Variants in SLC2A6 observed in about 807,000 individuals in gnomAD.
SLC2A6 encodes the protein solute carrier family 2 member 6.
Under a neutral mutation model 47.8 loss-of-function variants are expected in SLC2A6, and 39 were observed. That is an observed-to-expected ratio of 0.82 (90% CI 0.63 to 1.07). The LOEUF (loss-of-function observed/expected upper bound fraction) is 1.07, where lower values mean the gene tolerates loss of function less well. Ranked by LOEUF, SLC2A6 falls within the 50% of genes least tolerant of loss-of-function variation. The probability of loss-of-function intolerance (pLI) is 0.00; values close to 1 mark genes in which losing one functional copy is unlikely to be tolerated. For missense variants in SLC2A6, 650 were observed against 707.6 expected, an observed-to-expected ratio of 0.92 and a Z score of 0.92; for synonymous variants, 346 against 324.1, an observed-to-expected ratio of 1.07 and a Z score of -0.73.
At chr9:133,474,128 C>A in intron 6 of SLC2A6, 40 bp from the exon 7 acceptor site, 1 of 1,492,692 alleles carries the variant, frequency 6.7e-7, no homozygotes, top group East Asian at 2.4e-5. Context: ...GACCTGCCTG[C>A]TGTTCCCATC....
chr9:133,472,556 C>T (rs1332547643), intron 9 of SLC2A6, among the ~76,000 whole-genome samples: 1 of 152,150 alleles, frequency 6.6e-6, no homozygotes, highest in Non-Finnish European at 1.5e-5. Flanking sequence ...CTGATGGACT[C>T]ACTCTGGGTT....
intron 1 of SLC2A6, 28 bp downstream of exon 1, chr9:133,478,940 C>T (rs782308765): frequency 6.5e-7 from 1 of 1,531,764 alleles, no homozygotes; most frequent in Non-Finnish European, 8.8e-7. Flanking sequence ...CAGGCCCCAC[C>T]CGCAGCCCCC....
chr9:133,472,045 C>T lies in SLC2A6; in HGVS notation c.1500G>A (p.Thr500=), dbSNP rs374829115. The part of the protein sequence containing the change: ...SLEQIESFFR[T]GRRSFLR Reference sequence around the variant, plus strand: ...CCTAGCGCAAGAAGGACCTTCTCCCCGTGCGGAAGAAGGACTCGATCTGCT... The same window carrying T: ...CCTAGCGCAAGAAGGACCTTCTCCCTGTGCGGAAGAAGGACTCGATCTGCT... The change falls in exon 10 of 10, where the codon ACG becomes ACA. Residue 500 remains threonine (T), a synonymous_variant. Transcript: ENST00000371899. The T allele has an allele frequency of 3.5e-5, 56 of 1,612,952 alleles. No individual in the cohort carries two copies. The highest frequency in any genetic ancestry group is 2.0e-4 in the Admixed American group (12 of 59,982).
rs945102163 is a variant in SLC2A6 at position 133,471,921 on chromosome 9, C to T, written c.*100G>A. 7.2e-7 allele frequency: 1 copy of T among 1,392,174 alleles called. No homozygotes were observed. Among genetic ancestry groups the T allele is most frequent in the Non-Finnish European group, 9.8e-7 (1 of 1,020,746 alleles). The allele number at this position is 1,392,174 out of a possible 1,614,324, so 86.2% of individuals were successfully genotyped here. ...GCTCTTCCTGTGCTCTGGCTGGTGGCAGGGATGACTGCTGCCTCTTGGTCC... is the reference window on the plus strand; with the variant it reads ...GCTCTTCCTGTGCTCTGGCTGGTGGTAGGGATGACTGCTGCCTCTTGGTCC... On this transcript the variant is annotated 3_prime_UTR_variant, in exon 10 of 10. Transcript: ENST00000371899.
At chr9:133,476,964 C>T (rs988298894) in intron 3 of SLC2A6, 71 bp downstream of exon 3, 2 of 1,474,892 alleles carry the variant, frequency 1.4e-6, no homozygotes, top group African/African-American at 2.8e-5. Context: ...GGCTGGGAGG[C>T]CTTAGTCAGA....
chr9:133,476,345 C>T lies in SLC2A6; in HGVS notation c.463-9G>A. The T allele has an allele frequency of 6.2e-7, 1 of 1,610,974 alleles. No homozygotes were observed. The highest frequency in any genetic ancestry group is 1.3e-5 in the African/African-American group (1 of 75,028). ...ATCTCAGACACGTACACCTGCAAGA[C>T]ACAGCCGCCGCACCAGGTTTTGCTG... On this transcript the variant is annotated splice_polypyrimidine_tract_variant and intron_variant, in intron 3 of 9. Coordinates refer to ENST00000371899, the MANE Select transcript of SLC2A6 (RefSeq NM_017585.4).
In SLC2A6 at chr9:133,478,755, G is replaced by C. The variant is rs899697570; in HGVS notation, c.92+213C>G. 8.6e-5 allele frequency: 51 copies of C among 589,862 alleles called. No homozygotes were observed. In the South Asian group the frequency reaches 1.1e-3, roughly 13 times the overall value. 36.5% of individuals were successfully genotyped at this position (589,862 alleles called of 1,614,324 possible). On this transcript the variant is annotated intron_variant, in intron 1 of 9. Coordinates refer to ENST00000371899, the MANE Select transcript of SLC2A6 (RefSeq NM_017585.4). Reference sequence around the variant, plus strand: ...CTCAGTCTCACTGTCTGTGGCAGTGGGGGGCTGGGCCCGGTACTCTCGTGG... The same window carrying C: ...CTCAGTCTCACTGTCTGTGGCAGTGCGGGGCTGGGCCCGGTACTCTCGTGG...
intron 1 of SLC2A6, 41 bp from the exon 2 acceptor site, chr9:133,478,457 C>T (rs782626700): frequency 2.0e-5 from 32 of 1,609,602 alleles, no homozygotes; most frequent in Admixed American, 5.0e-5. Context: ...GTCTCTGAGT[C>T]CCTCCTCCAG....
intron 9 of SLC2A6, among the ~76,000 whole-genome samples, chr9:133,472,816 C>T (rs943438482): frequency 4.6e-5 from 7 of 152,140 alleles, no homozygotes; most frequent in African/African-American, 1.4e-4. Context: ...AGGTGGCTTC[C>T]GGGGCCCCTG....
chr9:133,478,445 G>C, intron 1 of SLC2A6, 29 bp from the exon 2 acceptor site: 1 of 1,612,940 alleles, frequency 6.2e-7, no homozygotes, highest in Non-Finnish European at 8.5e-7. Context: ...AAAAAGACCA[G>C]GGTCTCTGAG....
At chr9:133,477,302 G>C (rs1843994939) in intron 2 of SLC2A6, 61 bp from the exon 3 acceptor site, 1 of 1,500,868 alleles carries the variant, frequency 6.7e-7, no homozygotes, top group South Asian at 1.2e-5. Flanking sequence ...AATCTCATCA[G>C]AGTCCAGGGA....
chr9:133,478,547 C>T, intron 1 of SLC2A6, 131 bp from the exon 2 acceptor site: 3 of 992,788 alleles, frequency 3.0e-6, no homozygotes, highest in Non-Finnish European at 3.0e-6. Flanking sequence ...AGGCCATTCA[C>T]GTTCCCAGGG....
rs782612674 is a variant in SLC2A6, at chr9:133,477,229, G to C, written c.268C>G (p.Leu90Val). Residue 90 changes from leucine (L) to valine (V), a missense_variant, in exon 3 of 10, where the codon CTG (leucine) becomes GTG (valine). Coordinates refer to ENST00000371899, the MANE Select transcript of SLC2A6 (RefSeq NM_017585.4). ...CTCAGGCCTCCGGCCGCTGCTCCCA[G>C]GGTGAACACGGACTGCAGGGGAAGG... The part of the protein sequence containing the change: ...QASWFGSVFT[L>V]GAAAGGLSAM... The C allele has an allele frequency of 1.3e-6, 2 of 1,550,862 alleles. No homozygotes were observed. Among genetic ancestry groups the C allele is most frequent in the Non-Finnish European group, 1.7e-6 (2 of 1,147,234 alleles).
Position 133,475,625 on chromosome 9 carries a change from G to T in SLC2A6, c.563-14C>A, listed in dbSNP as rs1554803164. The stretch of plus-strand genomic sequence containing the variant: ...GCAGCAGGAGGCCTGGGGGCGAGGG[G>T]TGGGTGAGGGGCCAGGTCCAGGCCT... On this transcript the variant is annotated splice_polypyrimidine_tract_variant and intron_variant, in intron 4 of 9. Transcript: ENST00000371899. The T allele has an allele frequency of 7.0e-6, 11 of 1,567,124 alleles. No homozygotes were observed. The highest frequency in any genetic ancestry group is 8.6e-6 in the Non-Finnish European group (10 of 1,158,764).
chr9:133,478,905 G>A (rs899669690), intron 1 of SLC2A6, 63 bp downstream of exon 1: 4 of 1,444,248 alleles, frequency 2.8e-6, no homozygotes, highest in Middle Eastern at 2.3e-4. Context: ...GCCTGCCGCC[G>A]GCTGGAGGGA....
At chr9:133,472,515 G>A (rs1843763530) in intron 9 of SLC2A6, among the ~76,000 whole-genome samples, 1 of 152,066 alleles carries the variant, frequency 6.6e-6, no homozygotes, top group African/African-American at 2.4e-5. Flanking sequence ...GCAGCCTGGT[G>A]GGCACGCAGG....
At position 133,477,055 on chromosome 9, in the gene SLC2A6, GC is replaced by G. The variant is rs1564469684; in HGVS notation, c.441del (p.Leu148SerfsTer60). 1.3e-6 allele frequency: 2 copies of G among 1,546,968 alleles called. No homozygotes were observed. Among genetic ancestry groups the G allele is most frequent in the Non-Finnish European group, 1.7e-6 (2 of 1,146,338 alleles). ...LGRTLTGFAG[G>X]LTAACIPVYV... ...CTTACCGGGATGCAGGCAGCTGTGA[GC>G]CCCCCGGCGAAGCCCGTCAGCGTCC... is the stretch of plus-strand genomic sequence containing the variant. On this transcript the variant is annotated frameshift_variant, in exon 3 of 10. Transcript: ENST00000371899. LOFTEE classifies it high-confidence loss of function.
At chr9:133,476,049 C>A in intron 4 of SLC2A6, 188 bp downstream of exon 4, 1 of 560,860 alleles carries the variant, frequency 1.8e-6, no homozygotes, top group Non-Finnish European at 3.1e-6. Flanking sequence ...GGGCCTGTGG[C>A]TAGAGGGGCA....
At chr9:133,473,622 C>T (rs587718721) in intron 7 of SLC2A6, 22 bp from the exon 8 acceptor site, 36 of 1,502,126 alleles carry the variant, frequency 2.4e-5, no homozygotes, top group Middle Eastern at 3.8e-4. Context: ...CAGGTGGCCT[C>T]GTGGGGCCAG....
Sources: gnomAD v4.1 joint callset for allele counts (sites outside exome capture counted in the v4.1 genomes callset) on GRCh38, gnomAD v4.1.1 for gene constraint, MANE v1.5 for transcripts, NCBI Gene and HGNC (gene_info 2026-07-23, HGNC 2026-07-21) for gene names.